PDCD6IP: variants seen among roughly 807,000 people sequenced by gnomAD.
PDCD6IP encodes the protein programmed cell death 6-interacting protein.
In PDCD6IP, 43 loss-of-function variants were observed where a neutral mutation model predicts 103.7. The ratio of observed to expected loss-of-function variants is 0.41; its 90% CI spans 0.32 to 0.53. The LOEUF (loss-of-function observed/expected upper bound fraction) is 0.53, where lower values mean the gene tolerates loss of function less well. PDCD6IP is among the 20% of genes least tolerant of loss of function. The probability of loss-of-function intolerance (pLI) is 0.16; values close to 1 mark genes in which losing one functional copy is unlikely to be tolerated. For missense variants in PDCD6IP, 871 were observed against 1,036.7 expected, an observed-to-expected ratio of 0.84 and a Z score of 2.20; for synonymous variants, 354 against 378.7, an observed-to-expected ratio of 0.93 and a Z score of 0.76.
In PDCD6IP at chr3:33,869,006, A is replaced by G. The variant is rs898320606; in HGVS notation, c.*2481A>G. The G allele has an allele frequency of 3.3e-5, 5 of 152,222 alleles. No homozygotes were observed. The highest frequency in any genetic ancestry group is 7.3e-5 in the Non-Finnish European group (5 of 68,046). 9.4% of individuals were successfully genotyped at this position (152,222 alleles called of 1,614,324 possible). A position where few individuals can be genotyped will look rare whatever the true frequency, so the allele number is the denominator to read the frequency against. On this transcript the variant is annotated 3_prime_UTR_variant, in exon 18 of 18. Coordinates refer to ENST00000307296, the MANE Select transcript of PDCD6IP (RefSeq NM_013374.6). ...ATCTTTATGAGATATTCCTGTATCC[A>G]TACCCCAGCTTGTTTGCAATTTATA...
At chr3:33,848,323 A>T (rs144277831) in intron 12 of PDCD6IP, among the ~76,000 whole-genome samples, 1 of 152,210 alleles carries the variant, frequency 6.6e-6, no homozygotes, top group Non-Finnish European at 1.5e-5. Context: ...TGCTGTAGAC[A>T]TAGTTGCTTA....
intron 3 of PDCD6IP, among the ~76,000 whole-genome samples, chr3:33,817,992 A>G (rs974419018): frequency 6.6e-6 from 1 of 151,994 alleles, no homozygotes; most frequent in Non-Finnish European, 1.5e-5. Context: ...ATGAGAGACT[A>G]CAGTCTGGTA....
At chr3:33,824,730 G>A (rs1180172426) in intron 4 of PDCD6IP, among the ~76,000 whole-genome samples, 1 of 152,230 alleles carries the variant, frequency 6.6e-6, no homozygotes. Context: ...CTGGCAATGG[G>A]TAGTAATGCT....
chr3:33,823,077 A>G (rs984382281), intron 4 of PDCD6IP, among the ~76,000 whole-genome samples: 1 of 152,182 alleles, frequency 6.6e-6, no homozygotes, highest in African/African-American at 2.4e-5. Context: ...TAATTTACAA[A>G]GTGTTTTCAT....
chr3:33,828,786 G>C, intron 6 of PDCD6IP, 67 bp from the exon 7 acceptor site: 1 of 1,573,368 alleles, frequency 6.4e-7, no homozygotes, highest in Non-Finnish European at 8.7e-7. Flanking sequence ...TTTTCTTCCT[G>C]CATCCCATGT....
chr3:33,816,204 T>C (rs553025925), intron 3 of PDCD6IP, among the ~76,000 whole-genome samples: 10 of 152,210 alleles, frequency 6.6e-5, no homozygotes, highest in Admixed American at 3.3e-4. Flanking sequence ...GGAATTAGTA[T>C]CTTTGGAAAT....
At chr3:33,841,557 G>A (rs1398493034) in intron 9 of PDCD6IP, among the ~76,000 whole-genome samples, 3 of 146,258 alleles carry the variant, frequency 2.1e-5, no homozygotes, top group Non-Finnish European at 4.5e-5. Context: ...TCCTGCCTCA[G>A]CCTCCTGAGT....
At chr3:33,810,886 A>G (rs1449622560) in intron 1 of PDCD6IP, among the ~76,000 whole-genome samples, 1 of 146,378 alleles carries the variant, frequency 6.8e-6, no homozygotes, top group South Asian at 2.2e-4. Context: ...CTGCCTTCTC[A>G]TGTTTGTGGA....
chr3:33,866,870 G>C lies in PDCD6IP; in HGVS notation c.*345G>C, dbSNP rs753510156. On this transcript the variant is annotated 3_prime_UTR_variant, in exon 18 of 18. Coordinates refer to ENST00000307296, the MANE Select transcript of PDCD6IP (RefSeq NM_013374.6). The stretch of plus-strand genomic sequence containing the variant: ...TGGGACATCAGATACTTACAAAGAT[G>C]GTTTAAGTATGGATACTAGAGAAAA... 5.4e-6 allele frequency: 1 copy of C among 186,270 alleles called. No individual in the cohort carries two copies. Among genetic ancestry groups the C allele is most frequent in the Non-Finnish European group, 1.1e-5 (1 of 91,034 alleles). 11.5% of individuals were successfully genotyped at this position (186,270 alleles called of 1,614,324 possible). A position where few individuals can be genotyped will look rare whatever the true frequency, so the allele number is the denominator to read the frequency against.
At chr3:33,805,902 G>A (rs1696586235) in intron 1 of PDCD6IP, among the ~76,000 whole-genome samples, 2 of 151,838 alleles carry the variant, frequency 1.3e-5, no homozygotes, top group Admixed American at 6.6e-5. Flanking sequence ...CCACCACTAC[G>A]CCCGGCTAAT....
chr3:33,804,234 C>T (rs978900099), intron 1 of PDCD6IP, among the ~76,000 whole-genome samples: 2 of 152,182 alleles, frequency 1.3e-5, no homozygotes, highest in Non-Finnish European at 2.9e-5. Context: ...TAGAGCACAT[C>T]CCGCCTGCAG....
intron 3 of PDCD6IP, among the ~76,000 whole-genome samples, chr3:33,818,513 CTTTTTTT>C (rs61405380): frequency 2.2e-5 from 2 of 89,264 alleles, no homozygotes; most frequent in Admixed American, 1.5e-4. Context: ...TGATCCCTTG[CTTTTTTT>C]TTTTTTTTTT....
intron 1 of PDCD6IP, among the ~76,000 whole-genome samples, chr3:33,808,447 G>A (rs4679088): frequency 0.29 from 44,066 of 151,884 alleles, 6,611 homozygotes; most frequent in East Asian, 0.41. Flanking sequence ...CCTGGCTGAC[G>A]TGTGTATGTA....
At chr3:33,842,121 T>G in intron 10 of PDCD6IP, 47 bp downstream of exon 10, 1 of 1,078,470 alleles carries the variant, frequency 9.3e-7, no homozygotes, top group East Asian at 2.4e-5. Context: ...CTGTGATCCC[T>G]TGATGTCCAG....
intron 3 of PDCD6IP, among the ~76,000 whole-genome samples, chr3:33,821,124 C>T (rs1057454704): frequency 2.4e-4 from 37 of 152,002 alleles, no homozygotes; most frequent in African/African-American, 8.0e-4. Context: ...CTCCCGCCTC[C>T]GAGTAGCTAG....
intron 15 of PDCD6IP, among the ~76,000 whole-genome samples, chr3:33,863,000 CA>C (rs1438102379): frequency 9.2e-5 from 14 of 151,978 alleles, no homozygotes; most frequent in African/African-American, 3.4e-4. Context: ...TTTTATTAAA[CA>C]ATAGGAAGAA....
Position 33,812,104 on chromosome 3 carries a change from A to T in PDCD6IP, c.242A>T (p.Lys81Ile). 6.2e-7 allele frequency: 1 copy of T among 1,600,224 alleles called. No individual in the cohort carries two copies. The highest frequency in any genetic ancestry group is 1.1e-5 in the South Asian group (1 of 88,672). ...YYDQICSIEP[K>I]FPFSENQICL... is the part of the protein sequence containing the mutation. ...GATCAGATTTGTTCTATTGAACCCA[A>T]ATTCCCATTTTCTGAAAATCAGGTA... The change falls in exon 2 of 18, where the codon AAA (lysine) becomes ATA (isoleucine). Residue 81 changes from lysine (K) to isoleucine (I), a missense_variant. Transcript: ENST00000307296.
In PDCD6IP at chr3:33,826,492, A is replaced by T. The variant is rs1173031483; in HGVS notation, c.629A>T (p.Asp210Val). The T allele has an allele frequency of 6.2e-7, 1 of 1,604,872 alleles. No individual in the cohort carries two copies. The highest frequency in any genetic ancestry group is 8.5e-7 in the Non-Finnish European group (1 of 1,174,776). The change falls in exon 6 of 18, where the codon GAT becomes GTT. Residue 210 changes from aspartate to valine, a missense_variant. By Grantham distance (152) the Asp-to-Val change is radical (BLOSUM62 -3). Around this residue, in one of 5 missense-constraint regions of PDCD6IP, gnomAD observed 242 missense variants for 250.7 expected, o/e 0.97. Coordinates refer to ENST00000307296, the MANE Select transcript of PDCD6IP (RefSeq NM_013374.6). ...FLKATRDKMK[D>V]AIIAKLANQA... ...TATTGTATTCCAGATAAAATGAAAGATGCCATCATAGCTAAATTGGCTAAT... is the reference window on the plus strand; with the variant it reads ...TATTGTATTCCAGATAAAATGAAAGTTGCCATCATAGCTAAATTGGCTAAT...
At chr3:33,860,376 A>G (rs1697926391) in intron 15 of PDCD6IP, among the ~76,000 whole-genome samples, 1 of 152,196 alleles carries the variant, frequency 6.6e-6, no homozygotes, top group South Asian at 2.1e-4. Context: ...GAAGGCCAAA[A>G]TCCTTTGAAA....
Sources: gnomAD v4.1 joint callset for allele counts (sites outside exome capture counted in the v4.1 genomes callset) on GRCh38, gnomAD v4.1.1 for gene constraint, gnomAD v4.1.1 regional missense constraint, MANE v1.5 for transcripts, NCBI Gene and HGNC (gene_info 2026-07-23, HGNC 2026-07-21) for gene names.